Variants in DYM observed in about 807,000 individuals in gnomAD.
DYM encodes dymeclin.
Under a neutral mutation model 93.1 loss-of-function variants are expected in DYM, and 78 were observed. The ratio of observed to expected loss-of-function variants is 0.84; its 90% CI spans 0.70 to 1.01. The LOEUF (loss-of-function observed/expected upper bound fraction) is 1.01. Among genes scored for constraint, DYM ranks in the 50% least tolerant of loss-of-function variants. The probability of loss-of-function intolerance (pLI) is 0.00; values close to 1 mark genes in which losing one functional copy is unlikely to be tolerated. For synonymous variants in DYM, 321 were observed against 319.7 expected, an observed-to-expected ratio of 1.00 and a Z score of -0.04; for missense variants, 789 against 845.0, an observed-to-expected ratio of 0.93 and a Z score of 0.82.
Position 49,040,770 on chromosome 18 carries a change from G to A in DYM, c.*3285C>T, listed in dbSNP as rs1383533970. On this transcript the variant is annotated 3_prime_UTR_variant, in exon 18 of 18. Transcript: ENST00000675505. The stretch of plus-strand genomic sequence containing the variant: ...CAAAAATTTATGGCTCTGCAAAAAA[G>A]CACAGGGTGACTCAATTATGCAGAG... 6.6e-6 allele frequency among the ~76,000 whole-genome samples: 1 copy of A among 152,176 alleles called. No individual in the cohort carries two copies. The highest frequency in any genetic ancestry group is 1.5e-5 in the Non-Finnish European group (1 of 68,036).
chr18:49,264,305 C>T (rs1326736002), intron 11 of DYM, among the ~76,000 whole-genome samples: 2 of 151,878 alleles, frequency 1.3e-5, no homozygotes, highest in Non-Finnish European at 2.9e-5. Context: ...CTCCCTAAAA[C>T]GTAAACCCTG....
In DYM at chr18:49,109,572, T is replaced by C. The variant is rs1307208595; in HGVS notation, c.1911+9172A>G. The stretch of plus-strand genomic sequence containing the variant: ...CATGGATCCTGGAAGAAGAGATATT[T>C]CTGGGTCAGAGACGGAGGGAAGTTT... On this transcript the variant is annotated intron_variant, in intron 16 of 17. Transcript: ENST00000675505. Among the ~76,000 whole-genome samples the C allele has an allele frequency of 3.3e-5, 5 of 152,320 alleles. No individual in the cohort carries two copies. The East Asian group carries it at 9.6e-4, about 29-fold the overall frequency.
chr18:49,297,678 A>AT (rs531586771), intron 8 of DYM, among the ~76,000 whole-genome samples: 174 of 152,160 alleles, frequency 1.1e-3, no homozygotes, highest in African/African-American at 3.9e-3. Context: ...ATGTTGGGTG[A>AT]TTTTTTTTCC....
chr18:49,362,269 G>T (rs192446476), intron 6 of DYM, among the ~76,000 whole-genome samples: 1 of 152,108 alleles, frequency 6.6e-6, no homozygotes, highest in Non-Finnish European at 1.5e-5. Context: ...AGGCTGAGGT[G>T]GGAGGATCAC....
At chr18:49,439,138 A>G (rs1475526978) in intron 1 of DYM, among the ~76,000 whole-genome samples, 1 of 152,176 alleles carries the variant, frequency 6.6e-6, no homozygotes, top group Non-Finnish European at 1.5e-5. Context: ...TCTGGCCAGG[A>G]AGCCAGTTCT....
chr18:49,436,143 GGTGGGATTACAGAT>G (rs1375484739), intron 1 of DYM, among the ~76,000 whole-genome samples: 1 of 152,060 alleles, frequency 6.6e-6, no homozygotes, highest in East Asian at 1.9e-4. Context: ...CTTCTGAGTA[GGTGGGATTACAGAT>G]ACATGCCATC....
intron 13 of DYM, among the ~76,000 whole-genome samples, chr18:49,240,051 C>G (rs909525162): frequency 6.6e-6 from 1 of 152,120 alleles, no homozygotes; most frequent in Non-Finnish European, 1.5e-5. Context: ...CCTTCTCTTT[C>G]AACCTCTGAT....
intron 8 of DYM, among the ~76,000 whole-genome samples, chr18:49,311,193 G>C (rs2061566203): frequency 6.6e-6 from 1 of 152,186 alleles, no homozygotes; most frequent in East Asian, 1.9e-4. Flanking sequence ...CACAGCTGGA[G>C]AAGGGAAGGA....
At chr18:49,120,927 T>A (rs1230380709) in intron 15 of DYM, among the ~76,000 whole-genome samples, 1 of 152,076 alleles carries the variant, frequency 6.6e-6, no homozygotes, top group African/African-American at 2.4e-5. Context: ...AATTCTCCCA[T>A]CTAAGCCTCC....
chr18:49,435,039 C>T (rs1424383770), intron 1 of DYM, among the ~76,000 whole-genome samples: 2 of 151,706 alleles, frequency 1.3e-5, no homozygotes, highest in Non-Finnish European at 2.9e-5. Flanking sequence ...AAAACCTCAT[C>T]TCTACTAAAA....
At chr18:49,294,080 C>A (rs1160458771) in intron 8 of DYM, among the ~76,000 whole-genome samples, 1 of 152,158 alleles carries the variant, frequency 6.6e-6, no homozygotes, top group Non-Finnish European at 1.5e-5. Context: ...GGAATCCTTT[C>A]CCTGTTGCTT....
intron 6 of DYM, among the ~76,000 whole-genome samples, chr18:49,339,871 C>A (rs1418938893): frequency 6.6e-6 from 1 of 152,134 alleles, no homozygotes; most frequent in East Asian, 1.9e-4. Context: ...CCGGGTATAA[C>A]CGATGAATTA....
intron 16 of DYM, among the ~76,000 whole-genome samples, chr18:49,105,752 A>C (rs1407290048): frequency 2.0e-5 from 3 of 152,124 alleles, no homozygotes. Flanking sequence ...TTCTAGTTTG[A>C]CTGCACTGTG....
At chr18:49,272,038 A>G in intron 11 of DYM, 140 bp downstream of exon 11, 1 of 683,372 alleles carries the variant, frequency 1.5e-6, no homozygotes, top group Non-Finnish European at 2.3e-6. Flanking sequence ...CGCTTCATAA[A>G]TCTGAAGAAA....
intron 15 of DYM, among the ~76,000 whole-genome samples, chr18:49,144,452 TATTCTA>T (rs1247133654): frequency 6.6e-6 from 1 of 152,224 alleles, no homozygotes; most frequent in Admixed American, 6.5e-5. Context: ...AAAATAGTGA[TATTCTA>T]ATTCTATCAT....
intron 2 of DYM, among the ~76,000 whole-genome samples, chr18:49,403,761 C>T (rs937533305): frequency 6.6e-6 from 1 of 150,796 alleles, no homozygotes; most frequent in African/African-American, 2.4e-5. Context: ...CATAGTAGTA[C>T]CCAGTGTCTA....
intron 17 of DYM, among the ~76,000 whole-genome samples, chr18:49,067,664 C>T (rs1416304516): frequency 2.0e-5 from 3 of 152,088 alleles, no homozygotes; most frequent in Admixed American, 6.5e-5. Context: ...ATTGTCCATG[C>T]CACATGCAGG....
intron 2 of DYM, among the ~76,000 whole-genome samples, chr18:49,425,226 C>A (rs1238983024): frequency 1.3e-5 from 2 of 152,222 alleles, no homozygotes; most frequent in East Asian, 3.9e-4. Context: ...ACAGAGCCCT[C>A]AGAAATAATA....
Position 49,062,394 on chromosome 18 carries a change from C to T in DYM, c.2026-18190G>A, listed in dbSNP as rs1292646792. Among the ~76,000 whole-genome samples, 6 of 152,186 alleles carry T rather than the reference C, an allele frequency of 3.9e-5. No individual in the cohort carries two copies. The East Asian group carries it at 1.2e-3, about 29-fold the overall frequency. On this transcript the variant is annotated intron_variant, in intron 17 of 17. Coordinates refer to ENST00000675505, the MANE Select transcript of DYM (RefSeq NM_001353214.3). Reference sequence around the variant, plus strand: ...CCAGCTCAGGACCTGCTGACTATGACCTAGTCAGTCCCCAGGCCTTGACTG... The same window carrying T: ...CCAGCTCAGGACCTGCTGACTATGATCTAGTCAGTCCCCAGGCCTTGACTG...
Sources: gnomAD v4.1 joint callset for allele counts (sites outside exome capture counted in the v4.1 genomes callset) on GRCh38, gnomAD v4.1.1 for gene constraint, MANE v1.5 for transcripts, NCBI Gene and HGNC (gene_info 2026-07-23, HGNC 2026-07-21) for gene names.